Variants in MTMR1 observed in about 807,000 individuals in gnomAD.
MTMR1 encodes the protein myotubularin related protein 1, also known as phosphatidylinositol-3-phosphate phosphatase MTMR1.
Under a neutral mutation model 51.6 loss-of-function variants are expected in MTMR1, and 17 were observed. That is an observed-to-expected ratio of 0.33 (90% CI 0.23 to 0.49). MTMR1 has a LOEUF of 0.49. MTMR1 is among the 20% of genes least tolerant of loss of function. MTMR1 has a pLI of 0.99. For synonymous variants in MTMR1, 201 were observed against 205.6 expected (o/e 0.98, Z 0.19); for missense variants, 386 against 526.9 (o/e 0.73, Z 2.62).
At chrX:150,705,001 GA>G (rs36053949) in intron 2 of MTMR1, among the ~76,000 whole-genome samples, 69 of 104,448 alleles carry the variant, frequency 6.6e-4, no homozygotes, top group South Asian at 2.9e-3. Flanking sequence ...AACAAACAAT[GA>G]AAAAAAAAAT....
At chrX:150,703,741 T>C (rs1404823769) in intron 2 of MTMR1, among the ~76,000 whole-genome samples, 1 of 112,099 alleles carries the variant, frequency 8.9e-6, no homozygotes, top group Non-Finnish European at 1.9e-5. Flanking sequence ...ACTTCTGTAA[T>C]CTATAGCCTG....
At position 150,763,195 on chromosome X, in the gene MTMR1, G is replaced by GAT. The variant is rs1569565788; in HGVS notation, c.*466_*467insAT. On this transcript the variant is annotated 3_prime_UTR_variant, in exon 16 of 16. Transcript: ENST00000445323. ...TTCCACAGTTTTCTTCATGCACGGG[G>GAT]TCCTCCTGTTAACAATTACTGTTGT... 1 of 118,254 alleles carries GAT rather than the reference G, an allele frequency of 8.5e-6. No individual in the cohort carries two copies. Among genetic ancestry groups the GAT allele is most frequent in the African/African-American group, 3.2e-5 (1 of 31,130 alleles). The allele number at this position is 118,254 out of a possible 1,213,427, so 9.7% of individuals were successfully genotyped here.
chrX:150,749,763 C>T (rs189206276), intron 13 of MTMR1, among the ~76,000 whole-genome samples: 23 of 112,270 alleles, frequency 2.0e-4, no homozygotes, highest in African/African-American at 7.1e-4. Flanking sequence ...GGCTTACATT[C>T]GTAAAGTAAA....
intron 1 of MTMR1, among the ~76,000 whole-genome samples, chrX:150,697,140 G>A (rs1301808272): frequency 3.6e-5 from 4 of 112,082 alleles, no homozygotes; most frequent in Non-Finnish European, 7.5e-5. Context: ...TATGATATAC[G>A]TGGGAATGAA....
intron 2 of MTMR1, among the ~76,000 whole-genome samples, chrX:150,707,250 A>G (rs782213515): frequency 1.8e-5 from 2 of 112,321 alleles, no homozygotes; most frequent in African/African-American, 6.5e-5. Context: ...ATTGATCAAA[A>G]TTTAAAATCT....
chrX:150,698,678 G>GCACACACACACACA (rs1444236629), intron 1 of MTMR1, among the ~76,000 whole-genome samples: 18 of 70,806 alleles, frequency 2.5e-4, no homozygotes, highest in African/African-American at 9.3e-4. Flanking sequence ...CTACACGCGC[G>GCACACACACACACA]CGCACACACA....
intron 12 of MTMR1, among the ~76,000 whole-genome samples, chrX:150,743,317 C>G (rs1248262450): frequency 9.0e-6 from 1 of 111,121 alleles, no homozygotes; most frequent in Non-Finnish European, 1.9e-5. Flanking sequence ...GGGAGAATCA[C>G]TTGAGCCCAG....
rs1283156835 is a variant in MTMR1, at chrX:150,764,848, A to AAAC, written c.*2120_*2122dup. 2 of 112,704 alleles carry AAAC rather than the reference A, an allele frequency of 1.8e-5. No individual in the cohort carries two copies. The highest frequency in any genetic ancestry group is 6.5e-5 in the African/African-American group (2 of 30,966). 9.3% of individuals were successfully genotyped at this position (112,704 alleles called of 1,213,427 possible). On this transcript the variant is annotated 3_prime_UTR_variant, in exon 16 of 16. Transcript: ENST00000445323. ...AAGCCGTTATGGTTCAGGTTTTTAA[A>AAAC]AACTGGTACAGTATTGTATTTGTCT...
chrX:150,739,173 G>A (rs782795835), intron 12 of MTMR1, among the ~76,000 whole-genome samples: 5 of 112,497 alleles, frequency 4.4e-5, no homozygotes, highest in African/African-American at 1.6e-4. Flanking sequence ...GGACAAGTCC[G>A]CAGTCTCTGA....
intron 10 of MTMR1, among the ~76,000 whole-genome samples, chrX:150,734,792 G>T (rs909566322): frequency 8.9e-6 from 1 of 112,367 alleles, no homozygotes; most frequent in Admixed American, 9.4e-5. Context: ...TTACAATCTG[G>T]CTGCCTTTCA....
chrX:150,738,345 G>A (rs1363418715), intron 12 of MTMR1, among the ~76,000 whole-genome samples: 3 of 112,171 alleles, frequency 2.7e-5, no homozygotes, highest in African/African-American at 9.7e-5. Flanking sequence ...GTATTCCCTT[G>A]TGTGTATATA....
chrX:150,747,433 TGACAGAGTGAGACCCTGTCTCTAAA>T (rs1557417487), intron 13 of MTMR1, among the ~76,000 whole-genome samples: 8 of 111,494 alleles, frequency 7.2e-5, no homozygotes, highest in Non-Finnish European at 1.1e-4. Flanking sequence ...CCAGCCTGGG[TGACAGAGTGAGACCCTGTCTCTAAA>T]ACAATAAAAA....
At chrX:150,761,804 G>A (rs1557418031) in intron 15 of MTMR1, among the ~76,000 whole-genome samples, 1 of 112,772 alleles carries the variant, frequency 8.9e-6, no homozygotes, top group East Asian at 2.8e-4. Context: ...AGCTGCTGGG[G>A]ACAGCTTGTT....
rs190711648 is a variant in MTMR1, at chrX:150,763,132, A to G, written c.*403A>G. ...GGCCACAACTTGAAAACTGTCTTGA[A>G]TGAAGTACTTGGGGAGAAGACAGGC... On this transcript the variant is annotated 3_prime_UTR_variant, in exon 16 of 16. Coordinates refer to ENST00000445323, the MANE Select transcript of MTMR1 (RefSeq NM_001306144.3). The G allele has an allele frequency of 1.2e-4, 16 of 128,283 alleles. No homozygotes were observed. Among genetic ancestry groups the G allele is most frequent in the African/African-American group, 5.1e-4 (16 of 31,601 alleles). 10.6% of individuals were successfully genotyped at this position (128,283 alleles called of 1,213,427 possible). A position where few individuals can be genotyped will look rare whatever the true frequency, so the allele number is the denominator to read the frequency against.
intron 13 of MTMR1, among the ~76,000 whole-genome samples, chrX:150,749,371 CTGAT>C (rs1385321566): frequency 2.7e-5 from 3 of 112,670 alleles, no homozygotes; most frequent in Non-Finnish European, 5.6e-5. Flanking sequence ...ACACAGCACT[CTGAT>C]TGAAGAATAG....
At chrX:150,712,762 G>T in intron 3 of MTMR1, 1 of 195,973 alleles carries the variant, frequency 5.1e-6, no homozygotes, top group Non-Finnish European at 9.7e-6. Flanking sequence ...AGGTTAGTTG[G>T]CTGTCCTATC....
chrX:150,713,571 A>C (rs1456558268), intron 3 of MTMR1, among the ~76,000 whole-genome samples: 1 of 111,803 alleles, frequency 8.9e-6, no homozygotes, highest in Non-Finnish European at 1.9e-5. Context: ...ATGAAGCAAA[A>C]ATATATATAG....
intron 13 of MTMR1, among the ~76,000 whole-genome samples, chrX:150,749,088 G>A (rs1342075333): frequency 8.9e-6 from 1 of 112,464 alleles, no homozygotes; most frequent in East Asian, 2.8e-4. Context: ...CCTTAGAGGA[G>A]AGTTGTGTGT....
chrX:150,708,839 A>G (rs1169900729), intron 2 of MTMR1, among the ~76,000 whole-genome samples: 1 of 111,679 alleles, frequency 9.0e-6, no homozygotes, highest in Non-Finnish European at 1.9e-5. Flanking sequence ...TCCCATTTAG[A>G]GAAGAGGAGA....
Sources: allele counts gnomAD v4.1 joint callset (sites outside exome capture counted in the v4.1 genomes callset), GRCh38; gene constraint gnomAD v4.1.1; transcripts MANE v1.5; gene names NCBI Gene and HGNC (gene_info 2026-07-23, HGNC 2026-07-21).